PPP3CA: variants seen among roughly 807,000 people sequenced by gnomAD.
The protein encoded by PPP3CA is protein phosphatase 3 catalytic subunit alpha.
PPP3CA carries 14 observed loss-of-function variants against 66.5 expected under a neutral mutation model. The ratio of observed to expected loss-of-function variants is 0.21; its 90% CI spans 0.14 to 0.33. The LOEUF (loss-of-function observed/expected upper bound fraction) is 0.33, where lower values mean the gene tolerates loss of function less well. PPP3CA is among the 10% of genes least tolerant of loss of function. PPP3CA has a pLI of 1.00. For synonymous variants in PPP3CA, 232 were observed against 226.2 expected, an observed-to-expected ratio of 1.03 and a Z score of -0.23; for missense variants, 317 against 639.5, an observed-to-expected ratio of 0.50 and a Z score of 5.44.
intron 2 of PPP3CA, among the ~76,000 whole-genome samples, chr4:101,132,763 T>C (rs918431199): frequency 2.6e-5 from 4 of 152,162 alleles, no homozygotes; most frequent in Non-Finnish European, 5.9e-5. Flanking sequence ...GCCAGCATCA[T>C]CCTGACACTA....
chr4:101,193,877 TG>T (rs1419284779), intron 2 of PPP3CA, among the ~76,000 whole-genome samples: 1 of 152,216 alleles, frequency 6.6e-6, no homozygotes, highest in Non-Finnish European at 1.5e-5. Context: ...GGGCAAACCA[TG>T]GCAAATGTTA....
intron 1 of PPP3CA, among the ~76,000 whole-genome samples, chr4:101,278,932 G>T (rs572688661): frequency 6.6e-6 from 1 of 152,194 alleles, no homozygotes; most frequent in East Asian, 1.9e-4. Flanking sequence ...ATTCTATGCA[G>T]GCCCATTTTT....
At chr4:101,189,579 T>C (rs1724524768) in intron 2 of PPP3CA, among the ~76,000 whole-genome samples, 2 of 151,294 alleles carry the variant, frequency 1.3e-5, no homozygotes, top group Non-Finnish European at 2.9e-5. Flanking sequence ...ACAATTTCAC[T>C]GAGCTTTAGT....
At chr4:101,175,787 C>G (rs182428430) in intron 2 of PPP3CA, among the ~76,000 whole-genome samples, 1 of 152,244 alleles carries the variant, frequency 6.6e-6, no homozygotes, top group East Asian at 1.9e-4. Flanking sequence ...TAAGAAACCT[C>G]AGTATAGGAG....
intron 2 of PPP3CA, among the ~76,000 whole-genome samples, chr4:101,153,039 G>C (rs1418485625): frequency 1.3e-5 from 2 of 152,140 alleles, no homozygotes; most frequent in Non-Finnish European, 2.9e-5. Flanking sequence ...TAAATCTAGA[G>C]TCTGGAGATT....
intron 1 of PPP3CA, among the ~76,000 whole-genome samples, chr4:101,311,408 T>A (rs556658293): frequency 1.3e-5 from 2 of 152,302 alleles, no homozygotes; most frequent in South Asian, 4.1e-4. Flanking sequence ...TTACCTGAAG[T>A]CTGTAGCTAT....
intron 1 of PPP3CA, among the ~76,000 whole-genome samples, chr4:101,311,857 C>G (rs1453680301): frequency 1.3e-5 from 2 of 152,170 alleles, no homozygotes; most frequent in African/African-American, 2.4e-5. Flanking sequence ...GAACATACAA[C>G]CTTGTCCAAG....
chr4:101,254,630 T>C (rs2110248274), intron 1 of PPP3CA, among the ~76,000 whole-genome samples: 1 of 152,032 alleles, frequency 6.6e-6, no homozygotes, highest in South Asian at 2.1e-4. Flanking sequence ...CTGATATCAT[T>C]CATACAGACA....
At chr4:101,184,789 T>C (rs1445363781) in intron 2 of PPP3CA, among the ~76,000 whole-genome samples, 1 of 152,090 alleles carries the variant, frequency 6.6e-6, no homozygotes, top group Admixed American at 6.6e-5. Context: ...GTTAGGCATG[T>C]AGTAAAGGTC....
chr4:101,344,734 T>A lies in PPP3CA; in HGVS notation c.58+2005A>T, dbSNP rs547163836. On this transcript the variant is annotated intron_variant, in intron 1 of 13. Transcript: ENST00000394854. ...AACTAAGCCAGAAAGTATAAACATT[T>A]ATTTTTACATGTTCACCTGATGACT... Among the ~76,000 whole-genome samples, 43 of 152,330 alleles carry A rather than the reference T, an allele frequency of 2.8e-4. No individual in the cohort carries two copies. In the South Asian group the frequency reaches 8.9e-3, roughly 32 times the overall value.
intron 1 of PPP3CA, among the ~76,000 whole-genome samples, chr4:101,262,138 T>C (rs958091976): frequency 6.6e-6 from 1 of 152,090 alleles, no homozygotes; most frequent in Non-Finnish European, 1.5e-5. Flanking sequence ...ATTTTTTTCT[T>C]TAGCAAAAAA....
Position 101,093,902 on chromosome 4 carries a change from T to C in PPP3CA, c.656A>G (p.Lys219Arg), listed in dbSNP as rs754775984. 2.5e-6 allele frequency: 4 copies of C among 1,606,200 alleles called. No homozygotes were observed. Among genetic ancestry groups the C allele is most frequent in the Admixed American group, 1.7e-5 (1 of 58,092 alleles). ...LDDIRKLDRF[K>R]EPPAYGPMCD... ...CATAGGTCCATATGCAGGTGGTTCT[T>C]TGAATCGGTCTAACTAAGAAAAATA... Residue 219 changes from lysine to arginine, a missense_variant, in exon 6 of 14, where the codon AAA (lysine) becomes AGA (arginine). By Grantham distance (26) the Lys-to-Arg change is conservative (BLOSUM62 2). This residue lies in a region of PPP3CA where 201 missense variants were observed against 501.4 expected (regional missense o/e 0.40). Coordinates refer to ENST00000394854, the MANE Select transcript of PPP3CA (RefSeq NM_000944.5).
At chr4:101,191,281 C>G (rs1028448227) in intron 2 of PPP3CA, among the ~76,000 whole-genome samples, 1 of 152,220 alleles carries the variant, frequency 6.6e-6, no homozygotes, top group Admixed American at 6.5e-5. Flanking sequence ...ACTGACTCCA[C>G]CTGTCTCCCT....
In PPP3CA at chr4:101,045,550, T is replaced by C. The variant is rs889505262; in HGVS notation, c.1157-4984A>G. 3.3e-5 allele frequency among the ~76,000 whole-genome samples: 5 copies of C among 152,166 alleles called. 1 individual carries two copies. On this transcript the variant is annotated intron_variant, in intron 10 of 13. Transcript: ENST00000394854. The stretch of plus-strand genomic sequence containing the variant: ...AATAAACGCCAAAAAGAAAGAAGAA[T>C]GACATTCTCCATAGAGATTTTTTAA...
At chr4:101,036,740 T>C (rs1426502878) in intron 11 of PPP3CA, among the ~76,000 whole-genome samples, 2 of 152,154 alleles carry the variant, frequency 1.3e-5, no homozygotes, top group Non-Finnish European at 2.9e-5. Flanking sequence ...CCCTCGCCTC[T>C]CTCTGAACCT....
chr4:101,299,575 G>T (rs74711310), intron 1 of PPP3CA, among the ~76,000 whole-genome samples: 3 of 151,686 alleles, frequency 2.0e-5, no homozygotes, highest in Non-Finnish European at 4.4e-5. Flanking sequence ...CTGAATCATC[G>T]TTATGCAGCA....
chr4:101,146,341 G>C (rs929717475), intron 2 of PPP3CA, among the ~76,000 whole-genome samples: 2 of 152,254 alleles, frequency 1.3e-5, no homozygotes, highest in African/African-American at 4.8e-5. Flanking sequence ...CATAATTCTT[G>C]CAACAATCCT....
intron 3 of PPP3CA, among the ~76,000 whole-genome samples, chr4:101,106,060 A>C (rs746083721): frequency 4.6e-5 from 7 of 152,040 alleles, no homozygotes; most frequent in Non-Finnish European, 1.0e-4. Context: ...AGGTTTGCAC[A>C]CTTTGTAATC....
intron 1 of PPP3CA, among the ~76,000 whole-genome samples, chr4:101,269,210 G>A (rs142885216): frequency 2.6e-5 from 4 of 152,052 alleles, no homozygotes; most frequent in East Asian, 1.9e-4. Context: ...CTTTATTTAC[G>A]ATTCAGACTA....
Sources: gnomAD v4.1 joint callset for allele counts (sites outside exome capture counted in the v4.1 genomes callset) on GRCh38, gnomAD v4.1.1 for gene constraint, gnomAD v4.1.1 regional missense constraint, MANE v1.5 for transcripts, NCBI Gene and HGNC (gene_info 2026-07-23, HGNC 2026-07-21) for gene names.